The following UCHL3 variants were observed in gnomAD, a reference collection of about 807,000 sequenced individuals.
The protein encoded by UCHL3 is ubiquitin carboxyl-terminal hydrolase isozyme L3.
A neutral mutation model predicts 35.8 loss-of-function variants in UCHL3; 22 were observed. That is an observed-to-expected ratio of 0.61 (90% CI 0.44 to 0.88). The LOEUF is 0.88. Among genes scored for constraint, UCHL3 ranks in the 40% least tolerant of loss-of-function variants. UCHL3 has a pLI of 0.00. For synonymous variants in UCHL3, 90 were observed against 92.8 expected, an observed-to-expected ratio of 0.97 and a Z score of 0.17; for missense variants, 229 against 276.9, an observed-to-expected ratio of 0.83 and a Z score of 1.23.
intron 3 of UCHL3, among the ~76,000 whole-genome samples, chr13:75,564,142 G>A (rs1443234437): frequency 6.6e-6 from 1 of 151,804 alleles, no homozygotes; most frequent in African/African-American, 2.4e-5. Flanking sequence ...AGTGAACATG[G>A]AAGTGCAGAT....
At chr13:75,563,920 CTGTGTGTG>C (rs58677064) in intron 3 of UCHL3, among the ~76,000 whole-genome samples, 1 of 149,372 alleles carries the variant, frequency 6.7e-6, no homozygotes, top group Admixed American at 6.7e-5. Context: ...AATAATATTT[CTGTGTGTG>C]TGTGTGTGTG....
intron 2 of UCHL3, among the ~76,000 whole-genome samples, chr13:75,557,841 A>G (rs2031343729): frequency 6.6e-6 from 1 of 152,180 alleles, no homozygotes; most frequent in African/African-American, 2.4e-5. Context: ...GTGGATTCAC[A>G]CCACCCAAGC....
At chr13:75,573,685 C>T (rs1566217707) in intron 6 of UCHL3, among the ~76,000 whole-genome samples, 1 of 152,142 alleles carries the variant, frequency 6.6e-6, no homozygotes, top group Admixed American at 6.5e-5. Context: ...GGATACCAGT[C>T]CTGTTGGATT....
intron 2 of UCHL3, among the ~76,000 whole-genome samples, chr13:75,552,787 A>G (rs2031157039): frequency 6.6e-6 from 1 of 152,254 alleles, no homozygotes; most frequent in Non-Finnish European, 1.5e-5. Context: ...CAACATTTAT[A>G]GAGTGTGATA....
intron 2 of UCHL3, among the ~76,000 whole-genome samples, chr13:75,550,359 A>G (rs1025470522): frequency 2.6e-5 from 4 of 152,030 alleles, no homozygotes; most frequent in Non-Finnish European, 5.9e-5. Flanking sequence ...TAATTTGCCC[A>G]CACTTCCTGA....
chr13:75,598,913 C>T (rs550508914), intron 7 of UCHL3, among the ~76,000 whole-genome samples: 1 of 152,314 alleles, frequency 6.6e-6, no homozygotes, highest in African/African-American at 2.4e-5. Context: ...TCCTTTTCCT[C>T]TCATTTATTC....
upstream of UCHL3, chr13:75,549,785 G>C (rs1187801941): frequency 2.0e-6 from 3 of 1,497,682 alleles, no homozygotes; most frequent in Non-Finnish European, 2.6e-6. Context: ...GGCGAAGGCG[G>C]CGGCTGTCAG....
chr13:75,589,369 G>A (rs2032414649), intron 6 of UCHL3, among the ~76,000 whole-genome samples: 3 of 152,162 alleles, frequency 2.0e-5, no homozygotes, highest in South Asian at 4.1e-4. Context: ...CTAAAAGATA[G>A]CTAAGAGGCC....
At chr13:75,588,525 G>A (rs935000133) in intron 6 of UCHL3, among the ~76,000 whole-genome samples, 1 of 152,156 alleles carries the variant, frequency 6.6e-6, no homozygotes, top group East Asian at 1.9e-4. Context: ...TCAAGTATAG[G>A]ATTCATTTAT....
chr13:75,591,615 T>C (rs2032479455), intron 6 of UCHL3, among the ~76,000 whole-genome samples: 1 of 152,198 alleles, frequency 6.6e-6, no homozygotes, highest in Non-Finnish European at 1.5e-5. Context: ...CATTGCCTTA[T>C]AGCTTTAAAT....
rs150100553 is a variant in UCHL3 at position 75,587,890 on chromosome 13, C to G, written c.475-7025C>G. 5.0e-3 allele frequency among the ~76,000 whole-genome samples: 764 copies of G among 152,176 alleles called. 10 individuals are homozygous for G. The highest frequency in any genetic ancestry group is 0.017 in the African/African-American group (723 of 41,524). On this transcript the variant is annotated intron_variant, in intron 6 of 8. Transcript: ENST00000377595. ...ACTGCTTGCTGTAAACCAGTGGTTT[C>G]CCCCAGCTCAGTATTCCTCTCTTGT...
upstream of UCHL3, chr13:75,549,774 C>T: frequency 1.9e-6 from 2 of 1,057,262 alleles, no homozygotes; most frequent in South Asian, 4.1e-5. Context: ...GCGGCGGCGG[C>T]GGCGAAGGCG....
chr13:75,592,806 C>T (rs7139740), intron 6 of UCHL3, among the ~76,000 whole-genome samples: 117,105 of 151,810 alleles, frequency 0.77, 45,922 homozygotes, highest in Middle Eastern at 0.88. Flanking sequence ...AAAGGTGCAA[C>T]GATGCACAAT....
intron 6 of UCHL3, among the ~76,000 whole-genome samples, chr13:75,586,903 A>G (rs1297522073): frequency 1.3e-5 from 2 of 151,786 alleles, no homozygotes; most frequent in East Asian, 3.8e-4. Context: ...TGAAATGCTT[A>G]TAGTAGAAAA....
intron 2 of UCHL3, among the ~76,000 whole-genome samples, chr13:75,558,118 A>G (rs879939102): frequency 1.3e-5 from 2 of 152,172 alleles, no homozygotes; most frequent in Non-Finnish European, 2.9e-5. Flanking sequence ...AGGATCTAAC[A>G]ATATATTCAG....
chr13:75,583,684 A>T (rs946710361), intron 6 of UCHL3, among the ~76,000 whole-genome samples: 1 of 152,230 alleles, frequency 6.6e-6, no homozygotes, highest in Admixed American at 6.5e-5. Flanking sequence ...AATTGTAGAA[A>T]ACCAGAAACA....
intron 3 of UCHL3, among the ~76,000 whole-genome samples, chr13:75,565,992 TG>T (rs1421363522): frequency 6.6e-6 from 1 of 152,202 alleles, no homozygotes; most frequent in African/African-American, 2.4e-5. Flanking sequence ...TTATAGATAA[TG>T]GTTAGTGTCA....
intron 5 of UCHL3, among the ~76,000 whole-genome samples, chr13:75,568,460 TA>T (rs1046771852): frequency 7.3e-5 from 11 of 151,692 alleles, no homozygotes; most frequent in Middle Eastern, 4.7e-3. Flanking sequence ...TAAACATTAA[TA>T]TTTTTTAGGG....
chr13:75,589,865 A>G, intron 6 of UCHL3: 3 of 1,129,952 alleles, frequency 2.7e-6, no homozygotes. Flanking sequence ...GCATGACCAT[A>G]CGTTGCTTTT....
Sources: gnomAD v4.1 joint callset for allele counts (sites outside exome capture counted in the v4.1 genomes callset) on GRCh38, gnomAD v4.1.1 for gene constraint, MANE v1.5 for transcripts, NCBI Gene and HGNC (gene_info 2026-07-23, HGNC 2026-07-21) for gene names.